The following ZNF681 variants were observed in gnomAD, a reference collection of about 807,000 sequenced individuals.
ZNF681 encodes hypothetical protein FLJ31526.
A neutral mutation model predicts 56.0 loss-of-function variants in ZNF681; 37 were observed. The ratio of observed to expected loss-of-function variants is 0.66; its 90% CI spans 0.51 to 0.87. The LOEUF (loss-of-function observed/expected upper bound fraction) is 0.87, where lower values mean the gene tolerates loss of function less well. ZNF681 is among the 40% of genes least tolerant of loss of function. The probability of loss-of-function intolerance (pLI) is 0.00; values close to 1 mark genes in which losing one functional copy is unlikely to be tolerated. For synonymous variants in ZNF681, 225 were observed against 248.6 expected (o/e 0.91, Z 0.89); for missense variants, 741 against 744.9 (o/e 0.99, Z 0.06).
rs181832155 is a variant in ZNF681, at chr19:23,740,811, T to A, written c.*2801A>T. 5 of 152,284 alleles carry A rather than the reference T, an allele frequency of 3.3e-5. No individual in the cohort carries two copies. The highest frequency in any genetic ancestry group is 2.6e-4 in the Admixed American group (4 of 15,302). The allele number at this position is 152,284 out of a possible 1,614,324, so 9.4% of individuals were successfully genotyped here. A position where few individuals can be genotyped will look rare whatever the true frequency, so the allele number is the denominator to read the frequency against. On this transcript the variant is annotated 3_prime_UTR_variant, in exon 4 of 4. Transcript: ENST00000402377. ...ATAAAATATAACAATACACTAATTT[T>A]GAAATTAAATCTAAATTTTTTGCAC... is the stretch of plus-strand genomic sequence containing the variant.
chr19:23,751,059 G>A (rs1266475939), intron 3 of ZNF681, among the ~76,000 whole-genome samples: 1 of 146,986 alleles, frequency 6.8e-6, no homozygotes, highest in Non-Finnish European at 1.5e-5. Context: ...AACCTGGGAG[G>A]TGGAGGTTGC....
Position 23,754,883 on chromosome 19 carries a change from G to C in ZNF681, c.166C>G (p.Leu56Val). The C allele has an allele frequency of 6.2e-7, 1 of 1,614,030 alleles. No individual in the cohort carries two copies. The highest frequency in any genetic ancestry group is 1.1e-5 in the South Asian group (1 of 91,074). ...GTCCAAGGCTCTTTTTCTTGTTCCA[G>C]ACAGGTGATCAGGTCTGGCTTAGAG... is the stretch of plus-strand genomic sequence containing the variant. ...VVSKPDLITC[L>V]EQEKEPWTRK... Residue 56 changes from leucine to valine, a missense_variant, in exon 3 of 4, where the codon CTG becomes GTG. Leu to Val is a conservative substitution (Grantham distance 32). Transcript: ENST00000402377.
At chr19:23,755,780 G>T (rs903319542) in intron 1 of ZNF681, among the ~76,000 whole-genome samples, 1 of 152,094 alleles carries the variant, frequency 6.6e-6, no homozygotes, top group Non-Finnish European at 1.5e-5. Context: ...AGCGGCATTA[G>T]ATCTATAACA....
In ZNF681 at chr19:23,750,225, A is replaced by C. The variant is rs1429349283; in HGVS notation, c.226+4598T>G. 1.2e-4 allele frequency among the ~76,000 whole-genome samples: 17 copies of C among 145,820 alleles called. No individual in the cohort carries two copies. In the Admixed American group the frequency reaches 1.2e-3, roughly 10 times the overall value. On this transcript the variant is annotated intron_variant, in intron 3 of 3. Coordinates refer to ENST00000402377, the MANE Select transcript of ZNF681 (RefSeq NM_138286.3). ...CTTGAACCCGGGAGGCAGAGGTTGC[A>C]GTTAGCCAAGATTGCGCCATTGCAC...
intron 1 of ZNF681, among the ~76,000 whole-genome samples, chr19:23,755,818 A>C (rs1969108542): frequency 6.6e-6 from 1 of 152,204 alleles, no homozygotes; most frequent in South Asian, 2.1e-4. Context: ...GCCAGTCAGA[A>C]TGGCGATTAT....
At chr19:23,757,557 G>A (rs531675031) in intron 1 of ZNF681, among the ~76,000 whole-genome samples, 1 of 151,932 alleles carries the variant, frequency 6.6e-6, no homozygotes, top group African/African-American at 2.4e-5. Context: ...TAGAATGCAA[G>A]CACTAGTTTT....
intron 3 of ZNF681, among the ~76,000 whole-genome samples, chr19:23,748,623 C>G (rs1214225858): frequency 1.3e-5 from 2 of 152,150 alleles, no homozygotes; most frequent in Non-Finnish European, 2.9e-5. Flanking sequence ...TTGTCTTTGT[C>G]TTTATTCCCA....
At chr19:23,753,447 A>C (rs1314098519) in intron 3 of ZNF681, among the ~76,000 whole-genome samples, 7 of 152,306 alleles carry the variant, frequency 4.6e-5, no homozygotes. Flanking sequence ...TCTGAGAAGA[A>C]ATTTAATCAA....
chr19:23,758,538 G>T (rs1350046215), intron 1 of ZNF681, among the ~76,000 whole-genome samples: 1 of 152,190 alleles, frequency 6.6e-6, no homozygotes, highest in Non-Finnish European at 1.5e-5. Context: ...AGAGAGAGCT[G>T]CAGGCCAGGA....
chr19:23,758,039 T>G (rs1969149589), intron 1 of ZNF681, among the ~76,000 whole-genome samples: 1 of 152,236 alleles, frequency 6.6e-6, no homozygotes, highest in Non-Finnish European at 1.5e-5. Context: ...ATAATTCTTC[T>G]GTCTATAAAT....
At chr19:23,756,879 T>C (rs980293039) in intron 1 of ZNF681, among the ~76,000 whole-genome samples, 7 of 150,012 alleles carry the variant, frequency 4.7e-5, no homozygotes, top group Non-Finnish European at 5.9e-5. Flanking sequence ...CAAAAATTTA[T>C]TTTTTTTTTG....
chr19:23,747,274 C>T (rs1041779624), intron 3 of ZNF681, among the ~76,000 whole-genome samples: 7 of 152,026 alleles, frequency 4.6e-5, no homozygotes, highest in Admixed American at 3.9e-4. Context: ...ACTCAAGGGT[C>T]AAAAAATTTA....
intron 3 of ZNF681, among the ~76,000 whole-genome samples, chr19:23,748,031 T>C (rs1410712732): frequency 1.4e-5 from 2 of 145,982 alleles, no homozygotes; most frequent in African/African-American, 2.5e-5. Flanking sequence ...CTTAAACATA[T>C]AAAAATAACT....
chr19:23,757,220 C>T (rs1969135654), intron 1 of ZNF681, among the ~76,000 whole-genome samples: 1 of 151,806 alleles, frequency 6.6e-6, no homozygotes, highest in African/African-American at 2.4e-5. Context: ...TGCTGAGATA[C>T]AACAAAAAGA....
Position 23,740,604 on chromosome 19 carries a change from C to T in ZNF681, c.*3008G>A, listed in dbSNP as rs747742090. 2 of 152,048 alleles carry T rather than the reference C, an allele frequency of 1.3e-5. No homozygotes were observed. Among genetic ancestry groups the T allele is most frequent in the Non-Finnish European group, 2.9e-5 (2 of 68,006 alleles). The allele number at this position is 152,048 out of a possible 1,614,324, so 9.4% of individuals were successfully genotyped here. On this transcript the variant is annotated 3_prime_UTR_variant, in exon 4 of 4. Coordinates refer to ENST00000402377, the MANE Select transcript of ZNF681 (RefSeq NM_138286.3). Reference sequence around the variant, plus strand: ...CAGAAAGCACTGTCATGTTTGTTTGCTATATTTATATATAAAAACATCCTC... The same window carrying T: ...CAGAAAGCACTGTCATGTTTGTTTGTTATATTTATATATAAAAACATCCTC...
rs1968885509 is a variant in ZNF681 at position 23,742,525 on chromosome 19, T to C, written c.*1087A>G. On this transcript the variant is annotated 3_prime_UTR_variant, in exon 4 of 4. Coordinates refer to ENST00000402377, the MANE Select transcript of ZNF681 (RefSeq NM_138286.3). ...AAAAAGTACAATTAGTAAAATGATA[T>C]ACCAGAAAATTTTTTTTCTCAATAT... 6.6e-6 allele frequency: 1 copy of C among 151,652 alleles called. No homozygotes were observed. The highest frequency in any genetic ancestry group is 1.5e-5 in the Non-Finnish European group (1 of 67,904). 9.4% of individuals were successfully genotyped at this position (151,652 alleles called of 1,614,324 possible). A position where few individuals can be genotyped will look rare whatever the true frequency, so the allele number is the denominator to read the frequency against.
chr19:23,757,962 G>A (rs568073077), intron 1 of ZNF681, among the ~76,000 whole-genome samples: 10 of 152,106 alleles, frequency 6.6e-5, no homozygotes, highest in Admixed American at 1.3e-4. Flanking sequence ...CATTTATAAA[G>A]GTTTTCTAGG....
rs755757330 is a variant in ZNF681 at position 23,745,266 on chromosome 19, A to G, written c.284T>C (p.Phe95Ser). ...ATATCTTCTTGGTGTCACTTTTTGGAAAGAATCTTTTATGTTCTGCTCTGG... is the reference window on the plus strand; with the variant it reads ...ATATCTTCTTGGTGTCACTTTTTGGGAAGAATCTTTTATGTTCTGCTCTGG... ...FSPEQNIKDS[F>S]QKVTPRRYGK... The change falls in exon 4 of 4, where the codon TTC becomes TCC. Residue 95 changes from phenylalanine to serine, a missense_variant. Transcript: ENST00000402377. The G allele has an allele frequency of 1.2e-6, 2 of 1,602,288 alleles. No homozygotes were observed. Among genetic ancestry groups the G allele is most frequent in the South Asian group, 1.1e-5 (1 of 88,206 alleles).
Position 23,758,801 on chromosome 19 carries a change from C to A in ZNF681, c.-52G>T. 5 of 1,613,636 alleles carry A rather than the reference C, an allele frequency of 3.1e-6. No homozygotes were observed. Among genetic ancestry groups the A allele is most frequent in the Non-Finnish European group, 4.2e-6 (5 of 1,179,708 alleles). On this transcript the variant is annotated 5_prime_UTR_variant, in exon 1 of 4. Transcript: ENST00000402377. ...CTTAGCTATGGATCGCCAATACCTG[C>A]AGGTCAGAGGGCCATAGAGGCTGGG...
Sources: allele counts gnomAD v4.1 joint callset (sites outside exome capture counted in the v4.1 genomes callset), GRCh38; gene constraint gnomAD v4.1.1; transcripts MANE v1.5; gene names NCBI Gene and HGNC (gene_info 2026-07-23, HGNC 2026-07-21).